The following MAN1A1 variants were observed in gnomAD, a reference collection of about 807,000 sequenced individuals.
MAN1A1 encodes the protein mannosyl-oligosaccharide 1,2-alpha-mannosidase IA.
In MAN1A1, 29 loss-of-function variants were observed where a neutral mutation model predicts 70.8. The observed-to-expected ratio is 0.41, with a 90% CI of 0.31 to 0.56. The LOEUF is 0.56. MAN1A1 is among the 20% of genes least tolerant of loss of function. The pLI, the probability that MAN1A1 is intolerant of heterozygous loss-of-function variation, is 0.29. For missense variants in MAN1A1, 747 were observed against 841.3 expected (o/e 0.89, Z 1.39); for synonymous variants, 349 against 330.1 (o/e 1.06, Z -0.62).
intron 5 of MAN1A1, among the ~76,000 whole-genome samples, chr6:119,275,096 T>C (rs1312354766): frequency 6.6e-6 from 1 of 151,896 alleles, no homozygotes; most frequent in Admixed American, 6.6e-5. Context: ...TTTCATGGGC[T>C]AGAAGGTTGC....
intron 2 of MAN1A1, among the ~76,000 whole-genome samples, chr6:119,319,143 A>G (rs957178195): frequency 1.3e-5 from 2 of 152,084 alleles, no homozygotes; most frequent in African/African-American, 4.8e-5. Flanking sequence ...ATTTTAGACT[A>G]TATGTGATAC....
intron 2 of MAN1A1, among the ~76,000 whole-genome samples, chr6:119,342,054 T>C (rs542294767): frequency 2.6e-5 from 4 of 152,258 alleles, no homozygotes; most frequent in Non-Finnish European, 5.9e-5. Flanking sequence ...CATATTTGAC[T>C]ATGAGAAAGA....
chr6:119,186,873 A>C (rs1773306301), intron 11 of MAN1A1, among the ~76,000 whole-genome samples: 1 of 152,146 alleles, frequency 6.6e-6, no homozygotes, highest in Non-Finnish European at 1.5e-5. Flanking sequence ...CTGGCTCACC[A>C]CTATAGCTCA....
chr6:119,311,680 GGGA>G (rs1774431417), intron 2 of MAN1A1, among the ~76,000 whole-genome samples: 1 of 152,126 alleles, frequency 6.6e-6, no homozygotes, highest in Non-Finnish European at 1.5e-5. Flanking sequence ...CATGCAGAAG[GGGA>G]GGAGGACAAA....
intron 5 of MAN1A1, among the ~76,000 whole-genome samples, chr6:119,282,547 A>G (rs1463214452): frequency 6.6e-6 from 1 of 152,230 alleles, no homozygotes; most frequent in Non-Finnish European, 1.5e-5. Context: ...TGGAAATTTA[A>G]TTATAAACAT....
At chr6:119,281,056 T>C (rs1334720946) in intron 5 of MAN1A1, among the ~76,000 whole-genome samples, 1 of 152,222 alleles carries the variant, frequency 6.6e-6, no homozygotes, top group African/African-American at 2.4e-5. Flanking sequence ...CTTTACTGTT[T>C]CAAATCTGGA....
At chr6:119,335,444 T>G (rs1286153985) in intron 2 of MAN1A1, among the ~76,000 whole-genome samples, 1 of 152,220 alleles carries the variant, frequency 6.6e-6, no homozygotes, top group Non-Finnish European at 1.5e-5. Context: ...CCATACTGCC[T>G]CACATTTATA....
At chr6:119,328,560 T>C (rs1292475181) in intron 2 of MAN1A1, among the ~76,000 whole-genome samples, 2 of 152,310 alleles carry the variant, frequency 1.3e-5, no homozygotes, top group South Asian at 2.1e-4. Context: ...AGAAAAATAA[T>C]TTTCTGCTGT....
intron 7 of MAN1A1, among the ~76,000 whole-genome samples, chr6:119,203,024 A>G (rs1295596985): frequency 2.6e-5 from 4 of 152,200 alleles, no homozygotes; most frequent in Non-Finnish European, 4.4e-5. Context: ...CTCAGAGCAC[A>G]AAGAAGACAT....
intron 6 of MAN1A1, among the ~76,000 whole-genome samples, chr6:119,229,773 G>T (rs1326209309): frequency 1.3e-5 from 2 of 152,134 alleles, no homozygotes; most frequent in African/African-American, 4.8e-5. Context: ...AACAGATAAA[G>T]ATATGTACAT....
chr6:119,267,741 G>T lies in MAN1A1; in HGVS notation c.898-19387C>A, dbSNP rs1352150008. 2.6e-5 allele frequency among the ~76,000 whole-genome samples: 4 copies of T among 152,182 alleles called. No homozygotes were observed. The East Asian group carries it at 7.7e-4, about 29-fold the overall frequency. On this transcript the variant is annotated intron_variant, in intron 5 of 12. Transcript: ENST00000368468. ...ATCCTGGCATTTACTATCTTATATG[G>T]TTTTAGCAACCAAATCTACATCATT...
chr6:119,335,903 A>G (rs1773437903), intron 2 of MAN1A1, among the ~76,000 whole-genome samples: 1 of 152,234 alleles, frequency 6.6e-6, no homozygotes. Flanking sequence ...ACGGATGCCA[A>G]GCTAAACATT....
chr6:119,180,082 C>A, intron 12 of MAN1A1, 137 bp from the exon 13 acceptor site: 1 of 955,838 alleles, frequency 1.0e-6, no homozygotes, highest in East Asian at 2.5e-5. Context: ...ATATCAAAAC[C>A]CTGAGGGGTT....
chr6:119,239,539 A>G (rs1055444909), intron 6 of MAN1A1, among the ~76,000 whole-genome samples: 3 of 152,244 alleles, frequency 2.0e-5, no homozygotes, highest in Admixed American at 6.5e-5. Flanking sequence ...TGACCCTCCA[A>G]TTCCCAAAGA....
chr6:119,254,327 G>T (rs3822998), intron 5 of MAN1A1, among the ~76,000 whole-genome samples: 129,777 of 152,196 alleles, frequency 0.85, 55,645 homozygotes, highest in Non-Finnish European at 0.9. Context: ...AGGCCTGAGC[G>T]GGTCAGTTAA....
chr6:119,272,803 C>T (rs1365309717), intron 5 of MAN1A1, among the ~76,000 whole-genome samples: 1 of 152,028 alleles, frequency 6.6e-6, no homozygotes, highest in Non-Finnish European at 1.5e-5. Flanking sequence ...TTTTGAACTG[C>T]TTTGGATAAT....
intron 6 of MAN1A1, among the ~76,000 whole-genome samples, chr6:119,235,231 G>C (rs1440419468): frequency 1.3e-5 from 2 of 152,138 alleles, no homozygotes; most frequent in African/African-American, 4.8e-5. Flanking sequence ...CAAAAGCCTA[G>C]AAATGATTAA....
intron 6 of MAN1A1, among the ~76,000 whole-genome samples, chr6:119,246,847 C>T (rs1301125999): frequency 6.6e-6 from 1 of 152,132 alleles, no homozygotes; most frequent in African/African-American, 2.4e-5. Context: ...TAAGGCCCTA[C>T]AGTACATGTA....
chr6:119,302,352 T>C (rs956519962), intron 3 of MAN1A1, among the ~76,000 whole-genome samples: 7 of 152,062 alleles, frequency 4.6e-5, no homozygotes, highest in Non-Finnish European at 1.0e-4. Context: ...CAGAAACTTC[T>C]CTTAGAAATT....
Sources: gnomAD v4.1 joint callset for allele counts (sites outside exome capture counted in the v4.1 genomes callset) on GRCh38, gnomAD v4.1.1 for gene constraint, MANE v1.5 for transcripts, NCBI Gene and HGNC (gene_info 2026-07-23, HGNC 2026-07-21) for gene names.